CTNNA2: variants seen among roughly 807,000 people sequenced by gnomAD.
CTNNA2 encodes catenin alpha-2.
Under a neutral mutation model 101.0 loss-of-function variants are expected in CTNNA2, and 42 were observed. The ratio of observed to expected loss-of-function variants is 0.42; its 90% CI spans 0.32 to 0.54. The LOEUF is 0.54. CTNNA2 is among the 20% of genes least tolerant of loss of function. The pLI is 0.14. For missense variants in CTNNA2, 871 were observed against 1,223.1 expected (o/e 0.71, Z 4.29); for synonymous variants, 450 against 456.4 (o/e 0.99, Z 0.18).
At chr2:79,204,866 T>A (rs1209443974) in intron 2 of CTNNA2, among the ~76,000 whole-genome samples, 1 of 152,200 alleles carries the variant, frequency 6.6e-6, no homozygotes, top group Non-Finnish European at 1.5e-5. Context: ...ATGGAATTAG[T>A]CAACCCTTGA....
intron 9 of CTNNA2, among the ~76,000 whole-genome samples, chr2:80,435,311 G>A (rs1031426768): frequency 5.9e-5 from 9 of 152,132 alleles, no homozygotes; most frequent in African/African-American, 2.2e-4. Flanking sequence ...ATAGGTGAAG[G>A]TTTGTTTCTT....
intron 15 of CTNNA2, among the ~76,000 whole-genome samples, chr2:80,595,022 T>A (rs1696832111): frequency 1.3e-5 from 2 of 152,112 alleles, no homozygotes. Flanking sequence ...TAGGATGGAT[T>A]TTTAAATTTT....
chr2:80,018,779 T>TTA (rs71386609), intron 7 of CTNNA2, among the ~76,000 whole-genome samples: 8 of 123,930 alleles, frequency 6.5e-5, no homozygotes, highest in Non-Finnish European at 1.2e-4. Context: ...AGACTCTGTG[T>TTA]AAAAAAAAAA....
At chr2:79,991,325 GAT>G (rs1692162669) in intron 7 of CTNNA2, among the ~76,000 whole-genome samples, 1 of 152,124 alleles carries the variant, frequency 6.6e-6, no homozygotes, top group Admixed American at 6.6e-5. Flanking sequence ...GAAGTATTCA[GAT>G]AAATTTCTGT....
chr2:79,787,196 T>C (rs963486120), intron 3 of CTNNA2, among the ~76,000 whole-genome samples: 1 of 152,130 alleles, frequency 6.6e-6, no homozygotes, highest in African/African-American at 2.4e-5. Context: ...AAAAATAAAT[T>C]ATATTATTGC....
chr2:79,202,882 C>T (rs1240923975), intron 2 of CTNNA2, among the ~76,000 whole-genome samples: 1 of 152,180 alleles, frequency 6.6e-6, no homozygotes, highest in African/African-American at 2.4e-5. Flanking sequence ...GCTGTGGGTG[C>T]AGTTGCTTTT....
chr2:79,724,191 G>GA (rs932847978), intron 2 of CTNNA2, among the ~76,000 whole-genome samples: 3 of 150,894 alleles, frequency 2.0e-5, no homozygotes, highest in African/African-American at 7.3e-5. Flanking sequence ...TTTCCTTCAG[G>GA]TTTTTTTCCA....
intron 9 of CTNNA2, among the ~76,000 whole-genome samples, chr2:80,539,860 C>T (rs756429538): frequency 2.3e-4 from 35 of 152,304 alleles, no homozygotes; most frequent in Non-Finnish European, 4.4e-4. Context: ...AAATTTAATA[C>T]TTAATGAAAT....
chr2:79,727,370 G>A (rs1686913756), intron 2 of CTNNA2, among the ~76,000 whole-genome samples: 1 of 152,062 alleles, frequency 6.6e-6, no homozygotes, highest in Non-Finnish European at 1.5e-5. Context: ...AGATCAGCAG[G>A]ACTCCCTGTA....
At chr2:80,637,200 A>G (rs940279417) in intron 18 of CTNNA2, among the ~76,000 whole-genome samples, 12 of 152,212 alleles carry the variant, frequency 7.9e-5, no homozygotes, top group African/African-American at 2.9e-4. Context: ...GGGTCATAAT[A>G]ATAATAAAAG....
chr2:79,878,886 G>T (rs1290459994), intron 6 of CTNNA2, among the ~76,000 whole-genome samples: 1 of 152,130 alleles, frequency 6.6e-6, no homozygotes, highest in Non-Finnish European at 1.5e-5. Context: ...TCATCATGAA[G>T]TCTTTGCCCA....
intron 2 of CTNNA2, among the ~76,000 whole-genome samples, chr2:79,711,659 G>C (rs1685747434): frequency 6.6e-6 from 1 of 152,114 alleles, no homozygotes; most frequent in Admixed American, 6.6e-5. Flanking sequence ...TAGCTCATCA[G>C]AACACTGTAG....
chr2:79,265,977 G>A (rs1340858088), intron 2 of CTNNA2, among the ~76,000 whole-genome samples: 1 of 152,094 alleles, frequency 6.6e-6, no homozygotes, highest in Non-Finnish European at 1.5e-5. Flanking sequence ...ATGGATTTTT[G>A]ATAGCCTGCA....
chr2:79,552,819 G>A (rs779492113), intron 1 of CTNNA2, among the ~76,000 whole-genome samples: 25 of 152,174 alleles, frequency 1.6e-4, no homozygotes, highest in Non-Finnish European at 2.8e-4. Context: ...TTGAGGCTGC[G>A]TAGAGCAGTG....
chr2:79,192,121 C>G (rs1673882337), intron 1 of CTNNA2, among the ~76,000 whole-genome samples: 1 of 151,502 alleles, frequency 6.6e-6, no homozygotes. Flanking sequence ...ACTCTTAGAA[C>G]AAAAAGTCTA....
chr2:80,533,460 A>G (rs991136329), intron 9 of CTNNA2, among the ~76,000 whole-genome samples: 11 of 152,140 alleles, frequency 7.2e-5, no homozygotes, highest in African/African-American at 2.7e-4. Context: ...TGCATTGTGG[A>G]TATGGCCTTG....
chr2:79,394,261 T>G (rs1390723843), intron 4 of CTNNA2, among the ~76,000 whole-genome samples: 1 of 152,228 alleles, frequency 6.6e-6, no homozygotes, highest in Non-Finnish European at 1.5e-5. Flanking sequence ...GCTCATTCAC[T>G]GTGACCTGAA....
intron 9 of CTNNA2, among the ~76,000 whole-genome samples, chr2:80,530,607 C>T (rs1690454739): frequency 6.6e-6 from 1 of 152,152 alleles, no homozygotes; most frequent in Non-Finnish European, 1.5e-5. Flanking sequence ...GTGTCAGGAA[C>T]CAGAGTATGA....
intron 4 of CTNNA2, among the ~76,000 whole-genome samples, chr2:79,380,102 A>G (rs1311156820): frequency 6.6e-6 from 1 of 152,178 alleles, no homozygotes; most frequent in South Asian, 2.1e-4. Flanking sequence ...ACTTTTTATA[A>G]TCTCCAAACT....
Sources: allele counts gnomAD v4.1 joint callset (sites outside exome capture counted in the v4.1 genomes callset), GRCh38; gene constraint gnomAD v4.1.1; transcripts MANE v1.5; gene names NCBI Gene and HGNC (gene_info 2026-07-23, HGNC 2026-07-21).